The following CLCC1 variants were observed in gnomAD, a reference collection of about 807,000 sequenced individuals.
CLCC1 encodes the protein chloride channel CLIC-like protein 1.
CLCC1 carries 39 observed loss-of-function variants against 63.3 expected under a neutral mutation model. The ratio of observed to expected loss-of-function variants is 0.62; its 90% CI spans 0.48 to 0.81. The LOEUF (loss-of-function observed/expected upper bound fraction) is 0.81, where lower values mean the gene tolerates loss of function less well. Ranked by LOEUF, CLCC1 falls within the 30% of genes least tolerant of loss-of-function variation. The pLI, the probability that CLCC1 is intolerant of heterozygous loss-of-function variation, is 0.00. For missense variants in CLCC1, 549 were observed against 669.4 expected, an observed-to-expected ratio of 0.82 and a Z score of 1.98; for synonymous variants, 217 against 239.8, an observed-to-expected ratio of 0.90 and a Z score of 0.88.
chr1:108,954,502 AAAC>A (rs1417511292), intron 2 of CLCC1, among the ~76,000 whole-genome samples: 7 of 151,102 alleles, frequency 4.6e-5, no homozygotes, highest in East Asian at 1.9e-4. Context: ...TCGGTCTCAA[AAAC>A]AACAACAACC....
chr1:108,960,500 G>A (rs960186819), intron 2 of CLCC1, among the ~76,000 whole-genome samples: 2 of 152,188 alleles, frequency 1.3e-5, no homozygotes, highest in African/African-American at 2.4e-5. Context: ...AATTCTCTAA[G>A]TGGTTAAGAA....
At chr1:108,962,956 G>A (rs1656860109) in intron 1 of CLCC1, among the ~76,000 whole-genome samples, 1 of 152,052 alleles carries the variant, frequency 6.6e-6, no homozygotes, top group African/African-American at 2.4e-5. Context: ...CAGATTTGAA[G>A]TTTTAGAAAA....
At chr1:108,935,015 G>A in intron 11 of CLCC1, 73 bp from the exon 12 acceptor site, 9 of 1,444,300 alleles carry the variant, frequency 6.2e-6, no homozygotes, top group Non-Finnish European at 8.4e-6. Context: ...TATCTAAAAA[G>A]TTCCCACCCA....
At chr1:108,936,729 A>G (rs2080689443) in intron 11 of CLCC1, among the ~76,000 whole-genome samples, 1 of 152,148 alleles carries the variant, frequency 6.6e-6, no homozygotes, top group African/African-American at 2.4e-5. Context: ...GCTCTACTGT[A>G]CCTTCCCTAG....
At chr1:108,961,284 T>TTTTTAAA in intron 2 of CLCC1, among the ~76,000 whole-genome samples, 1 of 133,956 alleles carries the variant, frequency 7.5e-6, no homozygotes, top group African/African-American at 2.8e-5. Flanking sequence ...AAGAGTTTGT[T>TTTTTAAA]AAAAAAAAAA....
At chr1:108,957,063 C>G (rs1656013227) in intron 2 of CLCC1, among the ~76,000 whole-genome samples, 1 of 151,312 alleles carries the variant, frequency 6.6e-6, no homozygotes, top group East Asian at 1.9e-4. Context: ...GGAAGATTAT[C>G]AGGAGGTTAG....
chr1:108,960,720 T>A (rs1396989607), intron 2 of CLCC1, among the ~76,000 whole-genome samples: 2 of 152,086 alleles, frequency 1.3e-5, no homozygotes, highest in East Asian at 3.9e-4. Context: ...GACAGAGAAA[T>A]TAAGAGTAAT....
At chr1:108,958,140 A>C (rs902692003) in intron 2 of CLCC1, among the ~76,000 whole-genome samples, 1 of 151,436 alleles carries the variant, frequency 6.6e-6, no homozygotes, top group Non-Finnish European at 1.5e-5. Flanking sequence ...GAGAAAGCCT[A>C]CCGGGAATGG....
In CLCC1 at chr1:108,931,517, T is replaced by G. The variant is rs1299508597; in HGVS notation, c.*1030A>C. The G allele has an allele frequency of 1.3e-6, 2 of 1,532,470 alleles. No homozygotes were observed. The highest frequency in any genetic ancestry group is 1.8e-6 in the Non-Finnish European group (2 of 1,137,390). 94.9% of individuals were successfully genotyped at this position (1,532,470 alleles called of 1,614,324 possible). A position where few individuals can be genotyped will look rare whatever the true frequency, so the allele number is the denominator to read the frequency against. On this transcript the variant is annotated 3_prime_UTR_variant, in exon 13 of 13. Coordinates refer to ENST00000369969, the MANE Select transcript of CLCC1 (RefSeq NM_001377458.1). ...TGGGATCTGGGGATGTGGACCCCTA[T>G]TCTTTCAAAAAGTCATTCAGGTGAT...
At position 108,929,900 on chromosome 1, in the gene CLCC1, T is replaced by C. The variant is rs1361681664; in HGVS notation, c.*2647A>G. 6.2e-7 allele frequency: 1 copy of C among 1,613,782 alleles called. No individual in the cohort carries two copies. Among genetic ancestry groups the C allele is most frequent in the Non-Finnish European group, 8.5e-7 (1 of 1,179,674 alleles). On this transcript the variant is annotated 3_prime_UTR_variant, in exon 13 of 13. Transcript: ENST00000369969. ...GACTTTTTGCAAAATAATGCTTTGT[T>C]GGAGTTTAAAAATTCAGGGAAAAAA... is the stretch of plus-strand genomic sequence containing the variant.
Position 108,941,464 on chromosome 1 carries a change from T to A in CLCC1, c.737A>T (p.Lys246Met), listed in dbSNP as rs1156492937. 6.2e-7 allele frequency: 1 copy of A among 1,614,168 alleles called. No homozygotes were observed. ...ACACACATTGTTTAATGGCTCCATC[T>A]TGGCGACTTCAGCCTGATGCTGTGC... Reference protein sequence around the residue: ...AFAQHQAEVAKMEPLNNVCAK... With the variant: ...AFAQHQAEVAMMEPLNNVCAK... Residue 246 changes from lysine to methionine, a missense_variant, in exon 8 of 13, where the codon AAG (lysine) becomes ATG (methionine). Physicochemically the swap from Lys to Met is moderately conservative, Grantham distance 95. Coordinates refer to ENST00000369969, the MANE Select transcript of CLCC1 (RefSeq NM_001377458.1).
Position 108,943,462 on chromosome 1 carries a change from A to G in CLCC1, c.702+13T>C. Reference sequence around the variant, plus strand: ...ATGTGTTAAAATTGTAAAACCCTCCATCCATATAATACCTTATATAAATAC... The same window carrying G: ...ATGTGTTAAAATTGTAAAACCCTCCGTCCATATAATACCTTATATAAATAC... On this transcript the variant is annotated intron_variant, in intron 7 of 12. Transcript: ENST00000369969. 1 of 1,608,026 alleles carries G rather than the reference A, an allele frequency of 6.2e-7. No individual in the cohort carries two copies. The highest frequency in any genetic ancestry group is 1.7e-4 in the Middle Eastern group (1 of 6,040).
intron 2 of CLCC1, among the ~76,000 whole-genome samples, chr1:108,952,607 T>C (rs1655354366): frequency 6.7e-6 from 1 of 148,808 alleles, no homozygotes; most frequent in Non-Finnish European, 1.5e-5. Context: ...GAGAGCAGCC[T>C]GGCCAACAAG....
intron 10 of CLCC1, among the ~76,000 whole-genome samples, chr1:108,939,118 A>G (rs1221087771): frequency 2.0e-5 from 3 of 149,574 alleles, no homozygotes; most frequent in Non-Finnish European, 4.4e-5. Context: ...AATATTTAAT[A>G]CTAACCAGTA....
At chr1:108,935,207 CA>C (rs1438276685) in intron 11 of CLCC1, among the ~76,000 whole-genome samples, 6 of 152,180 alleles carry the variant, frequency 3.9e-5, no homozygotes, top group African/African-American at 9.7e-5. Context: ...AATTGGTCAT[CA>C]GTATTGTCAA....
chr1:108,963,141 G>A (rs1656887454), intron 1 of CLCC1, among the ~76,000 whole-genome samples: 1 of 152,208 alleles, frequency 6.6e-6, no homozygotes, highest in African/African-American at 2.4e-5. Flanking sequence ...CGGAACGCGC[G>A]CAACCGCGGC....
At chr1:108,933,901 A>G (rs1406543498) in intron 12 of CLCC1, 1 of 152,244 alleles carries the variant, frequency 6.6e-6, no homozygotes, top group African/African-American at 2.4e-5. Context: ...AGATATGGTA[A>G]TATCTAATAG....
chr1:108,936,935 G>A (rs1479226200), intron 11 of CLCC1, 142 bp downstream of exon 11: 1 of 476,958 alleles, frequency 2.1e-6, no homozygotes, highest in Non-Finnish European at 3.4e-6. Flanking sequence ...CTTTTGACCA[G>A]AAAGGGGAGA....
intron 7 of CLCC1, 121 bp downstream of exon 7, chr1:108,943,354 G>A: frequency 1.1e-6 from 1 of 925,340 alleles, no homozygotes; most frequent in South Asian, 1.6e-5. Flanking sequence ...CTCCAGCGTG[G>A]GCCACCTCTA....
Sources: gnomAD v4.1 joint callset for allele counts (sites outside exome capture counted in the v4.1 genomes callset) on GRCh38, gnomAD v4.1.1 for gene constraint, MANE v1.5 for transcripts, NCBI Gene and HGNC (gene_info 2026-07-23, HGNC 2026-07-21) for gene names.